Variants in DPP10 observed in about 807,000 individuals in gnomAD.
DPP10 encodes the protein dipeptidyl peptidase like 10.
Under a neutral mutation model 120.9 loss-of-function variants are expected in DPP10, and 33 were observed. The ratio of observed to expected loss-of-function variants is 0.27; its 90% confidence interval spans 0.21 to 0.37. The LOEUF is 0.37. Among genes scored for constraint, DPP10 ranks in the 10% least tolerant of loss-of-function variants. DPP10 has a pLI of 1.00. For synonymous variants in DPP10, 337 were observed against 326.1 expected (o/e 1.03, Z -0.36); for missense variants, 816 against 942.8 (o/e 0.87, Z 1.76).
At chr2:115,219,649 C>T (rs1433284756) in intron 1 of DPP10, among the ~76,000 whole-genome samples, 9 of 151,882 alleles carry the variant, frequency 5.9e-5, no homozygotes, top group Non-Finnish European at 1.3e-4. Context: ...TGGTATATTA[C>T]CCTAAATTCT....
intron 1 of DPP10, among the ~76,000 whole-genome samples, chr2:114,940,299 A>C (rs1443951940): frequency 1.3e-5 from 2 of 152,092 alleles, no homozygotes; most frequent in Admixed American, 6.6e-5. Flanking sequence ...GACACACAAC[A>C]CTTTGGATGG....
chr2:115,311,433 G>A (rs895416871), intron 2 of DPP10, among the ~76,000 whole-genome samples: 3 of 151,966 alleles, frequency 2.0e-5, no homozygotes, highest in Non-Finnish European at 4.4e-5. Flanking sequence ...CCCCAGAAAA[G>A]GTATAAAACC....
intron 21 of DPP10, among the ~76,000 whole-genome samples, chr2:115,830,398 T>C (rs1350215189): frequency 2.0e-5 from 3 of 151,664 alleles, no homozygotes; most frequent in Non-Finnish European, 4.4e-5. Flanking sequence ...GAACTGAAAT[T>C]AAGTTTAGTT....
chr2:115,727,528 A>T (rs1013146799), intron 7 of DPP10, among the ~76,000 whole-genome samples: 2 of 152,170 alleles, frequency 1.3e-5, no homozygotes, highest in Non-Finnish European at 2.9e-5. Flanking sequence ...ATTTTGTGGT[A>T]TGGAGAGAGA....
At chr2:114,601,450 G>A (rs1040300515) in intron 1 of DPP10, among the ~76,000 whole-genome samples, 1 of 151,896 alleles carries the variant, frequency 6.6e-6, no homozygotes, top group Non-Finnish European at 1.5e-5. Flanking sequence ...TCTTGGATGT[G>A]GCTTTACAGT....
intron 1 of DPP10, among the ~76,000 whole-genome samples, chr2:114,546,839 T>C (rs1426784786): frequency 2.0e-5 from 3 of 152,204 alleles, no homozygotes; most frequent in African/African-American, 7.2e-5. Context: ...TTAAATATCT[T>C]CTTTCCTTGG....
chr2:114,478,177 A>G (rs535431944), intron 1 of DPP10, among the ~76,000 whole-genome samples: 2 of 152,224 alleles, frequency 1.3e-5, no homozygotes, highest in East Asian at 1.9e-4. Context: ...TTTCAACAAT[A>G]TGTTAGCAAA....
intron 1 of DPP10, among the ~76,000 whole-genome samples, chr2:115,082,667 T>C (rs1708368255): frequency 6.6e-6 from 1 of 152,206 alleles, no homozygotes; most frequent in Non-Finnish European, 1.5e-5. Context: ...AATAAATTAC[T>C]GGACGATTTG....
chr2:114,950,358 G>C (rs983674750), intron 1 of DPP10, among the ~76,000 whole-genome samples: 2 of 144,688 alleles, frequency 1.4e-5, no homozygotes, highest in African/African-American at 2.6e-5. Context: ...GCAGTGGCGC[G>C]ATCTTGGCTC....
intron 1 of DPP10, among the ~76,000 whole-genome samples, chr2:114,700,410 G>A (rs1257215945): frequency 6.6e-6 from 1 of 152,094 alleles, no homozygotes; most frequent in African/African-American, 2.4e-5. Context: ...ATGTGTGTAT[G>A]TATATTTTCC....
Position 115,727,854 on chromosome 2 carries a change from T to C in DPP10, c.615T>C (p.Asp205=). 6.2e-7 allele frequency: 1 copy of C among 1,604,252 alleles called. No individual in the cohort carries two copies. The highest frequency in any genetic ancestry group is 8.5e-7 in the Non-Finnish European group (1 of 1,176,568). Residue 205 remains aspartate, a synonymous_variant, in exon 8 of 26, where the codon GAT becomes GAC. Transcript: ENST00000410059. ...AAAATAATATCTACTATCAACCTGA[T>C]ATAAAGAGCAGTTCATTGCGACTGA... The part of the protein sequence containing the change: ...IFENNIYYQP[D]IKSSSLRLTS...
intron 1 of DPP10, among the ~76,000 whole-genome samples, chr2:115,293,190 C>T (rs1421497963): frequency 3.9e-5 from 6 of 152,078 alleles, no homozygotes; most frequent in Admixed American, 2.6e-4. Flanking sequence ...CGGGTCAGTG[C>T]GGTCAGGCCC....
At chr2:114,942,314 TATATATACACACAC>T in intron 1 of DPP10, among the ~76,000 whole-genome samples, 2 of 125,656 alleles carry the variant, frequency 1.6e-5, no homozygotes, top group Admixed American at 8.9e-5. Context: ...TATATATATA[TATATATACACACAC>T]ATATATATAT....
intron 5 of DPP10, among the ~76,000 whole-genome samples, chr2:115,661,239 G>A (rs1330925958): frequency 1.3e-5 from 2 of 152,080 alleles, no homozygotes; most frequent in Non-Finnish European, 2.9e-5. Flanking sequence ...GTGAGCCACC[G>A]CGACCAGCCT....
chr2:114,495,862 A>G (rs572317738), intron 1 of DPP10, among the ~76,000 whole-genome samples: 2 of 152,304 alleles, frequency 1.3e-5, no homozygotes, highest in South Asian at 4.1e-4. Flanking sequence ...TGAGAAGCAA[A>G]TGCTAACTGA....
At chr2:114,499,761 G>A (rs892906912) in intron 1 of DPP10, among the ~76,000 whole-genome samples, 2 of 152,156 alleles carry the variant, frequency 1.3e-5, no homozygotes, top group African/African-American at 2.4e-5. Context: ...AAAGTAGTGA[G>A]AATAGATCTG....
intron 1 of DPP10, among the ~76,000 whole-genome samples, chr2:114,909,777 C>T (rs545935509): frequency 1.6e-4 from 24 of 152,112 alleles, no homozygotes; most frequent in Admixed American, 4.6e-4. Flanking sequence ...CTGGAAAGAA[C>T]AAACACAAAT....
At chr2:114,904,395 G>T (rs544249822) in intron 1 of DPP10, among the ~76,000 whole-genome samples, 1 of 152,318 alleles carries the variant, frequency 6.6e-6, no homozygotes, top group East Asian at 1.9e-4. Context: ...AACTGGCAAG[G>T]ATTGAAATCA....
intron 5 of DPP10, among the ~76,000 whole-genome samples, chr2:115,643,930 T>C (rs974427101): frequency 6.6e-6 from 1 of 152,182 alleles, no homozygotes; most frequent in Non-Finnish European, 1.5e-5. Flanking sequence ...CTTAAAAATG[T>C]TGAATGTGGT....
Sources: allele counts gnomAD v4.1 joint callset (sites outside exome capture counted in the v4.1 genomes callset), GRCh38; gene constraint gnomAD v4.1.1; transcripts MANE v1.5; gene names NCBI Gene and HGNC (gene_info 2026-07-23, HGNC 2026-07-21).